Variants in GRIK3 observed in about 807,000 individuals in gnomAD.
The protein encoded by GRIK3 is glutamate receptor ionotropic, kainate 3.
Under a neutral mutation model 102.5 loss-of-function variants are expected in GRIK3, and 29 were observed. The ratio of observed to expected loss-of-function variants is 0.28; its 90% CI spans 0.21 to 0.39. The LOEUF is 0.39. Ranked by LOEUF, GRIK3 falls within the 10% of genes least tolerant of loss-of-function variation. The pLI is 1.00. For synonymous variants in GRIK3, 511 were observed against 504.9 expected, an observed-to-expected ratio of 1.01 and a Z score of -0.16; for missense variants, 908 against 1,252.4, an observed-to-expected ratio of 0.73 and a Z score of 4.15.
chr1:36,845,937 G>A (rs1037568285), intron 9 of GRIK3, among the ~76,000 whole-genome samples: 2 of 152,120 alleles, frequency 1.3e-5, no homozygotes, highest in Non-Finnish European at 2.9e-5. Context: ...ATGTGCACAC[G>A]GCACAAATGC....
At position 36,822,566 on chromosome 1, in the gene GRIK3, C is replaced by T. The variant is rs143254233; in HGVS notation, c.1755-2712G>A. On this transcript the variant is annotated intron_variant, in intron 11 of 15. Coordinates refer to ENST00000373091, the MANE Select transcript of GRIK3 (RefSeq NM_000831.4). ...GATTTGTAGCTTGCGGTTGCAAGGG[C>T]TTCTCCAGTCTTGAGAGTAAATAGG... is the stretch of plus-strand genomic sequence containing the variant. 1.1e-4 allele frequency among the ~76,000 whole-genome samples: 17 copies of T among 152,276 alleles called. No individual in the cohort carries two copies. In the East Asian group the frequency reaches 3.3e-3, roughly 29 times the overall value.
intron 1 of GRIK3, among the ~76,000 whole-genome samples, chr1:37,015,645 G>A (rs1172698840): frequency 6.6e-6 from 1 of 152,152 alleles, no homozygotes; most frequent in Admixed American, 6.5e-5. Flanking sequence ...CCTAGCCAGG[G>A]AGAGGGTGCC....
chr1:37,023,181 G>C (rs1421187418), intron 1 of GRIK3, among the ~76,000 whole-genome samples: 2 of 152,052 alleles, frequency 1.3e-5, no homozygotes, highest in African/African-American at 4.8e-5. Flanking sequence ...ACACAAATGA[G>C]CCAGGCATGG....
intron 1 of GRIK3, among the ~76,000 whole-genome samples, chr1:37,004,185 G>T (rs183302994): frequency 7.9e-4 from 120 of 152,174 alleles, no homozygotes; most frequent in African/African-American, 2.4e-3. Context: ...CTTCTGTTTC[G>T]ATCTAATCCC....
chr1:36,945,503 C>T (rs1241341133), intron 1 of GRIK3, among the ~76,000 whole-genome samples: 6 of 152,114 alleles, frequency 3.9e-5, no homozygotes, highest in African/African-American at 1.5e-4. Flanking sequence ...GTCATTTAGA[C>T]TGATCCTGCA....
At chr1:36,902,502 A>G (rs969865291) in intron 1 of GRIK3, among the ~76,000 whole-genome samples, 4 of 152,214 alleles carry the variant, frequency 2.6e-5, no homozygotes, top group Non-Finnish European at 5.9e-5. Context: ...TTTCAACAAA[A>G]GGGCTAGAAC....
At chr1:36,804,859 G>T in intron 15 of GRIK3, 128 bp downstream of exon 15, 2 of 1,232,296 alleles carry the variant, frequency 1.6e-6, no homozygotes, top group South Asian at 1.4e-5. Context: ...CTTGCTGGCC[G>T]ACTGGATGCA....
intron 8 of GRIK3, 58 bp downstream of exon 8, chr1:36,853,557 A>C: frequency 1.3e-4 from 139 of 1,109,952 alleles, no homozygotes; most frequent in Non-Finnish European, 1.7e-4. Context: ...GGTCTGCCCT[A>C]GGAGATTTAA....
intron 1 of GRIK3, among the ~76,000 whole-genome samples, chr1:37,011,020 C>T (rs553531340): frequency 6.6e-6 from 1 of 152,268 alleles, no homozygotes; most frequent in Non-Finnish European, 1.5e-5. Flanking sequence ...GGATTACAGG[C>T]GTGAGCCACC....
At chr1:37,024,756 A>C (rs1180616185) in intron 1 of GRIK3, among the ~76,000 whole-genome samples, 1 of 151,378 alleles carries the variant, frequency 6.6e-6, no homozygotes, top group Non-Finnish European at 1.5e-5. Context: ...AAAAAAAAAA[A>C]AAAAAAAGAG....
At chr1:36,980,185 C>G (rs2124365669) in intron 1 of GRIK3, among the ~76,000 whole-genome samples, 1 of 152,284 alleles carries the variant, frequency 6.6e-6, no homozygotes, top group African/African-American at 2.4e-5. Context: ...TTTAAAAATG[C>G]AAACCTGATC....
intron 1 of GRIK3, among the ~76,000 whole-genome samples, chr1:37,018,637 G>A (rs1252843371): frequency 6.6e-6 from 1 of 152,038 alleles, no homozygotes; most frequent in Non-Finnish European, 1.5e-5. Context: ...CTCCTTAACT[G>A]CAGGCCTCAG....
intron 1 of GRIK3, among the ~76,000 whole-genome samples, chr1:36,907,818 T>G (rs2124291654): frequency 6.6e-6 from 1 of 152,206 alleles, no homozygotes; most frequent in Non-Finnish European, 1.5e-5. Context: ...CCACAGAGGT[T>G]CAGAGAGTGG....
intron 10 of GRIK3, among the ~76,000 whole-genome samples, chr1:36,829,678 C>A (rs943018688): frequency 2.6e-5 from 4 of 152,122 alleles, no homozygotes; most frequent in African/African-American, 4.8e-5. Context: ...TCTGTTGGGA[C>A]CCTCCTGGCT....
chr1:36,876,115 C>A (rs1640910169), intron 3 of GRIK3, among the ~76,000 whole-genome samples: 1 of 152,128 alleles, frequency 6.6e-6, no homozygotes, highest in African/African-American at 2.4e-5. Flanking sequence ...GTGGCTCATA[C>A]CTATAATCTC....
chr1:36,976,288 A>T (rs926784244), intron 1 of GRIK3, among the ~76,000 whole-genome samples: 2 of 152,194 alleles, frequency 1.3e-5, no homozygotes, highest in Non-Finnish European at 2.9e-5. Context: ...AATCTCAGCT[A>T]CATTCCCCCC....
chr1:36,924,844 C>T (rs1403715290), intron 1 of GRIK3, among the ~76,000 whole-genome samples: 6 of 152,162 alleles, frequency 3.9e-5, no homozygotes, highest in Admixed American at 3.3e-4. Context: ...AGCATGCCAA[C>T]ACATGGATAC....
chr1:36,960,288 T>A (rs531609003), intron 1 of GRIK3, among the ~76,000 whole-genome samples: 1 of 149,038 alleles, frequency 6.7e-6, no homozygotes, highest in East Asian at 2.0e-4. Flanking sequence ...CTGTGACCCA[T>A]GAGCCTGTGT....
At chr1:36,996,329 C>T (rs921334672) in intron 1 of GRIK3, among the ~76,000 whole-genome samples, 2 of 152,228 alleles carry the variant, frequency 1.3e-5, no homozygotes, top group African/African-American at 2.4e-5. Flanking sequence ...GCACATTGAA[C>T]ACAAGGCTTA....
Sources: gnomAD v4.1 joint callset for allele counts (sites outside exome capture counted in the v4.1 genomes callset) on GRCh38, gnomAD v4.1.1 for gene constraint, MANE v1.5 for transcripts, NCBI Gene and HGNC (gene_info 2026-07-23, HGNC 2026-07-21) for gene names.